Variants in AMPH observed in about 807,000 individuals in gnomAD.
AMPH encodes the protein amphiphysin.
AMPH carries 49 observed loss-of-function variants against 99.1 expected under a neutral mutation model. The ratio of observed to expected loss-of-function variants is 0.49; its 90% CI spans 0.39 to 0.63. AMPH has a LOEUF of 0.63. Ranked by LOEUF, AMPH falls within the 20% of genes least tolerant of loss-of-function variation. The pLI is 0.00. For missense variants in AMPH, 759 were observed against 863.4 expected, an observed-to-expected ratio of 0.88 and a Z score of 1.52; for synonymous variants, 314 against 317.3, an observed-to-expected ratio of 0.99 and a Z score of 0.11.
At chr7:38,613,804 C>CAAAAA (rs71558128) in intron 1 of AMPH, among the ~76,000 whole-genome samples, 2 of 144,768 alleles carry the variant, frequency 1.4e-5, no homozygotes, top group Non-Finnish European at 3.0e-5. Context: ...GAATAAAAGC[C>CAAAAA]AAAAAAAAAA....
intron 1 of AMPH, among the ~76,000 whole-genome samples, chr7:38,543,688 G>T (rs937335695): frequency 1.3e-5 from 2 of 152,242 alleles, no homozygotes; most frequent in East Asian, 1.9e-4. Context: ...CATACAGCTG[G>T]TATGTAACCA....
intron 14 of AMPH, chr7:38,427,855 C>T: frequency 2.2e-6 from 1 of 456,476 alleles, no homozygotes; most frequent in African/African-American, 2.0e-5. Context: ...TTGTCAGCCT[C>T]TATTTCTTGG....
chr7:38,408,750 CAAAAAAAAA>C (rs66957354), intron 17 of AMPH, among the ~76,000 whole-genome samples: 1 of 100,732 alleles, frequency 9.9e-6, no homozygotes, highest in East Asian at 2.5e-4. Flanking sequence ...GACTCCATCA[CAAAAAAAAA>C]AAAAAAAAAA....
chr7:38,393,089 G>A (rs912186711), intron 18 of AMPH, among the ~76,000 whole-genome samples: 6 of 152,226 alleles, frequency 3.9e-5, no homozygotes, highest in South Asian at 2.1e-4. Flanking sequence ...AGATAATACC[G>A]TCTTTCCATG....
At chr7:38,574,738 A>T (rs1792170153) in intron 1 of AMPH, among the ~76,000 whole-genome samples, 1 of 152,126 alleles carries the variant, frequency 6.6e-6, no homozygotes, top group Admixed American at 6.6e-5. Flanking sequence ...CAAATTTATC[A>T]TTCAATACTA....
chr7:38,547,554 T>C (rs1469378430), intron 1 of AMPH, among the ~76,000 whole-genome samples: 1 of 152,204 alleles, frequency 6.6e-6, no homozygotes, highest in Admixed American at 6.5e-5. Context: ...TTTAGTAGGA[T>C]GTGTTCAGCT....
At position 38,386,710 on chromosome 7, in the gene AMPH, T is replaced by C. The variant is rs559959516; in HGVS notation, c.1981-1785A>G. The stretch of plus-strand genomic sequence containing the variant: ...TATATAAACAAACAACTCTTGGTTA[T>C]ACAATATATAAAGTGTAAATTTATA... On this transcript the variant is annotated intron_variant, in intron 20 of 20. Transcript: ENST00000356264. 2.2e-3 allele frequency among the ~76,000 whole-genome samples: 333 copies of C among 152,320 alleles called. 1 individual carries two copies. Among genetic ancestry groups the C allele is most frequent in the Middle Eastern group, 0.014 (4 of 294 alleles).
intron 2 of AMPH, among the ~76,000 whole-genome samples, chr7:38,521,213 T>C (rs1789945389): frequency 6.6e-6 from 1 of 152,112 alleles, no homozygotes; most frequent in East Asian, 1.9e-4. Context: ...AGGTCAGAGA[T>C]TTTTCTGTGT....
chr7:38,477,071 G>A, intron 5 of AMPH, 102 bp from the exon 6 acceptor site: 2 of 918,122 alleles, frequency 2.2e-6, no homozygotes, highest in Non-Finnish European at 3.5e-6. Flanking sequence ...AGCTGCTGAG[G>A]ATCTTGACTG....
chr7:38,524,735 T>C (rs191113220), intron 2 of AMPH, among the ~76,000 whole-genome samples: 30 of 152,318 alleles, frequency 2.0e-4, no homozygotes, highest in African/African-American at 6.7e-4. Flanking sequence ...TTAAAATTAC[T>C]TCTAAATTTA....
At chr7:38,418,068 A>G in intron 16 of AMPH, 118 bp from the exon 17 acceptor site, 1 of 1,208,022 alleles carries the variant, frequency 8.3e-7, no homozygotes, top group Non-Finnish European at 1.1e-6. Flanking sequence ...TAGCTTCATG[A>G]AATCCGTGCT....
Position 38,384,823 on chromosome 7 carries a change from C to A in AMPH, c.2083G>T (p.Asp695Tyr). The A allele has an allele frequency of 1.2e-6, 2 of 1,613,892 alleles. No individual in the cohort carries two copies. Among genetic ancestry groups the A allele is most frequent in the Non-Finnish European group, 1.7e-6 (2 of 1,179,782 alleles). Reference sequence around the variant, plus strand: ...TTCTTGCAGTACTTGTTGCCCTAATCTAAGCGTCGGGTGAAGTTCTCTGGA... The same window carrying A: ...TTCTTGCAGTACTTGTTGCCCTAATATAAGCGTCGGGTGAAGTTCTCTGGA... Reference protein sequence around the residue: ...LFPENFTRRLD With the variant: ...LFPENFTRRLY Residue 695 changes from aspartate (D) to tyrosine (Y), a missense_variant, in exon 21 of 21, where the codon GAT becomes TAT. By Grantham distance (160) the Asp-to-Tyr change is radical (BLOSUM62 -3). Coordinates refer to ENST00000356264, the MANE Select transcript of AMPH (RefSeq NM_001635.4).
At chr7:38,615,424 A>G (rs1352428229) in intron 1 of AMPH, among the ~76,000 whole-genome samples, 1 of 152,152 alleles carries the variant, frequency 6.6e-6, no homozygotes, top group East Asian at 1.9e-4. Context: ...TAAAACCTGG[A>G]AGCCCCAGCT....
intron 5 of AMPH, among the ~76,000 whole-genome samples, chr7:38,485,125 T>C (rs1788437637): frequency 1.3e-5 from 2 of 151,932 alleles, no homozygotes. Context: ...AATCCTTTCC[T>C]ACTAATAATT....
chr7:38,436,591 T>C (rs1027902423), intron 11 of AMPH, among the ~76,000 whole-genome samples: 2 of 152,218 alleles, frequency 1.3e-5, no homozygotes, highest in African/African-American at 4.8e-5. Context: ...TGGCCAAGTA[T>C]AACCTAAGTT....
chr7:38,489,406 A>AG (rs113622458), intron 5 of AMPH, among the ~76,000 whole-genome samples: 14,663 of 150,188 alleles, frequency 0.098, 798 homozygotes, highest in Middle Eastern at 0.2. Context: ...AGAAAAGTTG[A>AG]GGGGGGGGGA....
Position 38,470,921 on chromosome 7 carries a change from C to T in AMPH, c.590+4410G>A, listed in dbSNP as rs1399823785. Among the ~76,000 whole-genome samples the T allele has an allele frequency of 4.6e-5, 7 of 152,216 alleles. No individual in the cohort carries two copies. In the South Asian group the frequency reaches 1.0e-3, roughly 23 times the overall value. ...CTCATGTCACTCTCTACTAAATTAT[C>T]GTTTTTTAAAATTTTTTCTGCATTG... On this transcript the variant is annotated intron_variant, in intron 7 of 20. Coordinates refer to ENST00000356264, the MANE Select transcript of AMPH (RefSeq NM_001635.4).
At chr7:38,474,142 C>G (rs1252078416) in intron 7 of AMPH, among the ~76,000 whole-genome samples, 1 of 151,824 alleles carries the variant, frequency 6.6e-6, no homozygotes, top group East Asian at 1.9e-4. Flanking sequence ...TCCAGAAGCC[C>G]ACACCAAAAA....
intron 2 of AMPH, among the ~76,000 whole-genome samples, chr7:38,508,199 A>G (rs1205317961): frequency 6.6e-6 from 1 of 152,190 alleles, no homozygotes; most frequent in Non-Finnish European, 1.5e-5. Context: ...ATTTAGGGGC[A>G]CCATTCCCAT....
Sources: allele counts gnomAD v4.1 joint callset (sites outside exome capture counted in the v4.1 genomes callset), GRCh38; gene constraint gnomAD v4.1.1; transcripts MANE v1.5; gene names NCBI Gene and HGNC (gene_info 2026-07-23, HGNC 2026-07-21).